MAML2: variants seen among roughly 807,000 people sequenced by gnomAD.
The protein encoded by MAML2 is mastermind-like protein 2.
Under a neutral mutation model 96.1 loss-of-function variants are expected in MAML2, and 22 were observed. The observed-to-expected ratio is 0.23, with a 90% CI of 0.16 to 0.33. MAML2 has a LOEUF of 0.33. Among genes scored for constraint, MAML2 ranks in the 10% least tolerant of loss-of-function variants. MAML2 has a pLI of 1.00. For missense variants in MAML2, 1,367 were observed against 1,392.4 expected, an observed-to-expected ratio of 0.98 and a Z score of 0.29; for synonymous variants, 561 against 521.3, an observed-to-expected ratio of 1.08 and a Z score of -1.04.
rs113266145 is a variant in MAML2, at chr11:96,004,458, C to T, written c.2140-12735G>A. Among the ~76,000 whole-genome samples the T allele has an allele frequency of 4.2e-3, 632 of 152,014 alleles. 6 individuals are homozygous for T. The South Asian group carries it at 0.042, about 10-fold the overall frequency. On this transcript the variant is annotated intron_variant, in intron 2 of 4. Coordinates refer to ENST00000524717, the MANE Select transcript of MAML2 (RefSeq NM_032427.4). Reference sequence around the variant, plus strand: ...CTCTCCTTTGGGAATAAAAAAAACCCAGTATGTAATTTTGACTCTGGAATT... The same window carrying T: ...CTCTCCTTTGGGAATAAAAAAAACCTAGTATGTAATTTTGACTCTGGAATT...
chr11:95,987,120 G>A (rs1328713843), intron 3 of MAML2, among the ~76,000 whole-genome samples: 1 of 152,186 alleles, frequency 6.6e-6, no homozygotes, highest in African/African-American at 2.4e-5. Context: ...ATTGGAAGCT[G>A]TCACAAAGTA....
chr11:96,311,854 T>C (rs759155615), intron 1 of MAML2, among the ~76,000 whole-genome samples: 2 of 152,198 alleles, frequency 1.3e-5, no homozygotes, highest in Non-Finnish European at 2.9e-5. Flanking sequence ...GTGTGTACTA[T>C]TTGATTCTAA....
chr11:96,141,542 A>C (rs1860730083), intron 1 of MAML2, among the ~76,000 whole-genome samples: 1 of 152,134 alleles, frequency 6.6e-6, no homozygotes, highest in Non-Finnish European at 1.5e-5. Flanking sequence ...ATGAGGAACC[A>C]AAGAGTATCG....
At chr11:96,272,179 CTTGTG>C (rs139146766) in intron 1 of MAML2, among the ~76,000 whole-genome samples, 10,938 of 152,144 alleles carry the variant, frequency 0.072, 498 homozygotes, top group Middle Eastern at 0.13. Context: ...ATGCATTGTA[CTTGTG>C]TTGTGTTGTG....
At chr11:96,097,564 A>C (rs79215588) in intron 1 of MAML2, among the ~76,000 whole-genome samples, 3,706 of 152,300 alleles carry the variant, frequency 0.024, 157 homozygotes, top group African/African-American at 0.084. Context: ...CTGACCTACC[A>C]ATTAGGCATG....
chr11:96,064,214 G>A (rs1859210821), intron 2 of MAML2, among the ~76,000 whole-genome samples: 1 of 152,164 alleles, frequency 6.6e-6, no homozygotes, highest in African/African-American at 2.4e-5. Context: ...TTCCCAACCA[G>A]CAGGGTGATT....
intron 1 of MAML2, among the ~76,000 whole-genome samples, chr11:96,131,615 C>T (rs758619004): frequency 6.6e-6 from 1 of 152,130 alleles, no homozygotes; most frequent in Non-Finnish European, 1.5e-5. Flanking sequence ...TTACAGGAAT[C>T]CATGAAAACA....
At chr11:96,178,669 G>GA (rs1194556313) in intron 1 of MAML2, among the ~76,000 whole-genome samples, 1 of 152,192 alleles carries the variant, frequency 6.6e-6, no homozygotes, top group Non-Finnish European at 1.5e-5. Flanking sequence ...CTTGATTGTG[G>GA]AAAACATAAA....
chr11:96,123,448 G>A (rs910121700), intron 1 of MAML2, among the ~76,000 whole-genome samples: 4 of 152,182 alleles, frequency 2.6e-5, no homozygotes, highest in African/African-American at 9.7e-5. Context: ...TTGAATAAAG[G>A]GGCTGGCAAT....
At chr11:96,251,984 A>C (rs1049390140) in intron 1 of MAML2, among the ~76,000 whole-genome samples, 2 of 151,972 alleles carry the variant, frequency 1.3e-5, no homozygotes, top group African/African-American at 4.8e-5. Flanking sequence ...TGCCCGCCTC[A>C]GCCTCCCAAA....
chr11:96,150,536 A>G (rs1860902525), intron 1 of MAML2, among the ~76,000 whole-genome samples: 1 of 152,164 alleles, frequency 6.6e-6, no homozygotes, highest in Admixed American at 6.5e-5. Flanking sequence ...GCCCAGACAG[A>G]CAGCCTGGCA....
chr11:96,248,354 C>T (rs759965416), intron 1 of MAML2, among the ~76,000 whole-genome samples: 1 of 150,858 alleles, frequency 6.6e-6, no homozygotes, highest in Non-Finnish European at 1.5e-5. Context: ...TCAAGTGATC[C>T]ATCCACCTTG....
chr11:96,069,165 C>A (rs1330619319), intron 2 of MAML2, among the ~76,000 whole-genome samples: 9 of 151,938 alleles, frequency 5.9e-5, no homozygotes, highest in Non-Finnish European at 2.9e-5. Context: ...TGGCCTCAGG[C>A]AATTTTCCCA....
In MAML2 at chr11:96,172,983, C is replaced by T. The variant is rs555017545; in HGVS notation, c.514-79466G>A. Among the ~76,000 whole-genome samples, 19 of 152,324 alleles carry T rather than the reference C, an allele frequency of 1.2e-4. No individual in the cohort carries two copies. In the East Asian group the frequency reaches 3.1e-3, roughly 25 times the overall value. ...GGGCATGCACCCTTTTTGCCAGTTGCCATGGATGATAAGATTCTACTTCCT... is the reference window on the plus strand; with the variant it reads ...GGGCATGCACCCTTTTTGCCAGTTGTCATGGATGATAAGATTCTACTTCCT... On this transcript the variant is annotated intron_variant, in intron 1 of 4. Transcript: ENST00000524717.
At chr11:96,137,032 AG>A (rs2135861880) in intron 1 of MAML2, among the ~76,000 whole-genome samples, 1 of 152,338 alleles carries the variant, frequency 6.6e-6, no homozygotes, top group East Asian at 1.9e-4. Flanking sequence ...AAATGCCATC[AG>A]GGAAGCTTAA....
chr11:96,040,376 A>T (rs1178491705), intron 2 of MAML2, among the ~76,000 whole-genome samples: 2 of 152,250 alleles, frequency 1.3e-5, no homozygotes, highest in Non-Finnish European at 2.9e-5. Flanking sequence ...ACAGAAAAGT[A>T]TCATATCATT....
At chr11:96,324,564 T>C (rs1196966722) in intron 1 of MAML2, among the ~76,000 whole-genome samples, 1 of 152,186 alleles carries the variant, frequency 6.6e-6, no homozygotes, top group East Asian at 1.9e-4. Context: ...GACACTATTG[T>C]AGGCCATGGA....
intron 1 of MAML2, among the ~76,000 whole-genome samples, chr11:96,287,181 A>G (rs1863152407): frequency 6.6e-6 from 1 of 152,256 alleles, no homozygotes; most frequent in South Asian, 2.1e-4. Flanking sequence ...TGTTATTATA[A>G]GAGCATTACA....
At chr11:96,307,693 T>C (rs1004218426) in intron 1 of MAML2, among the ~76,000 whole-genome samples, 3 of 152,194 alleles carry the variant, frequency 2.0e-5, no homozygotes, top group African/African-American at 7.2e-5. Context: ...GGCAGCTCCG[T>C]ACAGCAGATT....
Sources: allele counts gnomAD v4.1 joint callset (sites outside exome capture counted in the v4.1 genomes callset), GRCh38; gene constraint gnomAD v4.1.1; transcripts MANE v1.5; gene names NCBI Gene and HGNC (gene_info 2026-07-23, HGNC 2026-07-21).